Variants in DLG2 observed in about 807,000 individuals in gnomAD.
The protein encoded by DLG2 is discs large MAGUK scaffold protein 2, also known as disks large homolog 2.
DLG2 carries 45 observed loss-of-function variants against 132.5 expected under a neutral mutation model. The observed-to-expected ratio is 0.34, with a 90% CI of 0.27 to 0.44. The LOEUF is 0.44. DLG2 is among the 20% of genes least tolerant of loss of function. The probability of loss-of-function intolerance (pLI) is 1.00; values close to 1 mark genes in which losing one functional copy is unlikely to be tolerated. For synonymous variants in DLG2, 424 were observed against 419.6 expected, an observed-to-expected ratio of 1.01 and a Z score of -0.13; for missense variants, 1,045 against 1,196.9, an observed-to-expected ratio of 0.87 and a Z score of 1.87.
chr11:84,759,456 A>G (rs1565890140), intron 6 of DLG2, among the ~76,000 whole-genome samples: 1 of 152,184 alleles, frequency 6.6e-6, no homozygotes, highest in Non-Finnish European at 1.5e-5. Context: ...AATTATCATA[A>G]TAATATCATA....
intron 17 of DLG2, among the ~76,000 whole-genome samples, chr11:83,803,420 G>A (rs1397313110): frequency 6.6e-6 from 1 of 152,064 alleles, no homozygotes; most frequent in Non-Finnish European, 1.5e-5. Context: ...ATCAGGCATA[G>A]TGAAAAAATG....
intron 6 of DLG2, among the ~76,000 whole-genome samples, chr11:84,725,287 G>A (rs941767006): frequency 6.6e-6 from 1 of 152,006 alleles, no homozygotes; most frequent in East Asian, 1.9e-4. Context: ...TCTTCCTTAT[G>A]ACCCCTATAA....
At chr11:84,849,428 C>T (rs909565184) in intron 6 of DLG2, among the ~76,000 whole-genome samples, 2 of 152,110 alleles carry the variant, frequency 1.3e-5, no homozygotes, top group African/African-American at 2.4e-5. Flanking sequence ...CTCCATAATA[C>T]TTGTCCTTTC....
At chr11:84,916,377 A>AAAG (rs1445034167) in intron 6 of DLG2, among the ~76,000 whole-genome samples, 8 of 148,618 alleles carry the variant, frequency 5.4e-5, no homozygotes, top group East Asian at 3.9e-4. Flanking sequence ...AAAAAAAAAA[A>AAAG]AAGAAGCAGT....
rs142316954 is a variant in DLG2 at position 84,215,822 on chromosome 11, C to T, written c.573+35416G>A. On this transcript the variant is annotated intron_variant, in intron 8 of 27. Coordinates refer to ENST00000376104, the MANE Select transcript of DLG2 (RefSeq NM_001142699.3). ...AGGTCATTTTTAGTGTAGAAATAGT[C>T]CAGAAAAATGATGTATTGGACAATG... Among the ~76,000 whole-genome samples, 22 of 152,100 alleles carry T rather than the reference C, an allele frequency of 1.4e-4. No individual in the cohort carries two copies. In the East Asian group the frequency reaches 4.3e-3, roughly 29 times the overall value.
At chr11:85,154,135 GAAAAAAAAAA>G (rs34094958) in intron 5 of DLG2, among the ~76,000 whole-genome samples, 65 of 57,658 alleles carry the variant, frequency 1.1e-3, no homozygotes, top group Admixed American at 5.2e-3. Flanking sequence ...TTCTTTTGGA[GAAAAAAAAAA>G]AAAAAAAAAA....
At chr11:85,565,894 G>A (rs188799943) in intron 3 of DLG2, among the ~76,000 whole-genome samples, 108 of 152,136 alleles carry the variant, frequency 7.1e-4, no homozygotes, top group African/African-American at 2.5e-3. Flanking sequence ...TGGATCATGT[G>A]GTAACTCTAT....
intron 11 of DLG2, among the ~76,000 whole-genome samples, chr11:84,035,251 G>C (rs897557318): frequency 8.5e-5 from 13 of 152,132 alleles, no homozygotes; most frequent in Admixed American, 2.0e-4. Flanking sequence ...AACACTTATT[G>C]AGTACTTACT....
intron 3 of DLG2, among the ~76,000 whole-genome samples, chr11:85,470,762 A>G (rs950575099): frequency 6.6e-6 from 1 of 152,172 alleles, no homozygotes; most frequent in Non-Finnish European, 1.5e-5. Flanking sequence ...TCATGTTACT[A>G]GATGGTTCTG....
At chr11:84,053,635 A>G (rs1488967810) in intron 11 of DLG2, among the ~76,000 whole-genome samples, 3 of 152,022 alleles carry the variant, frequency 2.0e-5, no homozygotes, top group Non-Finnish European at 4.4e-5. Context: ...AAATAACTCT[A>G]TGAATTACAT....
chr11:83,633,938 ACAAAAAG>A (rs376715751), intron 18 of DLG2, among the ~76,000 whole-genome samples: 7 of 138,502 alleles, frequency 5.1e-5, no homozygotes, highest in African/African-American at 2.1e-4. Flanking sequence ...TACCTCAAAA[ACAAAAAG>A]CAAAAAGCAA....
intron 7 of DLG2, among the ~76,000 whole-genome samples, chr11:84,322,388 T>C (rs2098409602): frequency 6.6e-6 from 1 of 152,162 alleles, no homozygotes; most frequent in Non-Finnish European, 1.5e-5. Flanking sequence ...AGCAAGATAT[T>C]AATTCATAAA....
intron 8 of DLG2, among the ~76,000 whole-genome samples, chr11:84,165,887 G>A (rs550749298): frequency 2.2e-4 from 34 of 152,110 alleles, no homozygotes; most frequent in African/African-American, 7.7e-4. Context: ...GAAAGAGTGA[G>A]ATCCCGTCTC....
intron 4 of DLG2, among the ~76,000 whole-genome samples, chr11:85,226,582 C>T (rs142265966): frequency 1.2e-4 from 18 of 151,792 alleles, no homozygotes; most frequent in African/African-American, 2.4e-4. Flanking sequence ...CATACAGACA[C>T]GATAACAGAA....
intron 6 of DLG2, among the ~76,000 whole-genome samples, chr11:84,621,712 A>C (rs934550179): frequency 1.3e-5 from 2 of 152,088 alleles, no homozygotes; most frequent in African/African-American, 4.8e-5. Flanking sequence ...GGTATTTGCA[A>C]TTACCTGGGC....
intron 6 of DLG2, among the ~76,000 whole-genome samples, chr11:84,953,777 C>A (rs921940853): frequency 2.6e-5 from 4 of 152,122 alleles, no homozygotes; most frequent in African/African-American, 9.7e-5. Flanking sequence ...TCAAGTCCTT[C>A]AATGCATTCC....
chr11:85,364,733 A>G (rs935854762), intron 3 of DLG2, among the ~76,000 whole-genome samples: 10 of 152,246 alleles, frequency 6.6e-5, no homozygotes, highest in African/African-American at 2.4e-4. Context: ...TGACTTTAAT[A>G]GTAATACATT....
At chr11:84,478,584 T>A (rs1451155615) in intron 7 of DLG2, among the ~76,000 whole-genome samples, 1 of 152,088 alleles carries the variant, frequency 6.6e-6, no homozygotes, top group Non-Finnish European at 1.5e-5. Flanking sequence ...TACCTTTGGA[T>A]AAATCCCTGA....
intron 6 of DLG2, among the ~76,000 whole-genome samples, chr11:84,588,705 C>T (rs1194882573): frequency 6.6e-6 from 1 of 151,104 alleles, no homozygotes; most frequent in Non-Finnish European, 1.5e-5. Context: ...AAAGACCTTG[C>T]TGATAAGACA....
Sources: allele counts gnomAD v4.1 joint callset (sites outside exome capture counted in the v4.1 genomes callset), GRCh38; gene constraint gnomAD v4.1.1; transcripts MANE v1.5; gene names NCBI Gene and HGNC (gene_info 2026-07-23, HGNC 2026-07-21).